Variants in PHACTR3 observed in about 807,000 individuals in gnomAD.
PHACTR3 encodes the protein protein phosphatase 1, regulatory subunit 123.
A neutral mutation model predicts 66.8 loss-of-function variants in PHACTR3; 16 were observed. The observed-to-expected ratio is 0.24, with a 90% CI of 0.16 to 0.36. PHACTR3 has a LOEUF of 0.36. Among genes scored for constraint, PHACTR3 ranks in the 10% least tolerant of loss-of-function variants. PHACTR3 has a pLI of 1.00. For missense variants in PHACTR3, 647 were observed against 719.9 expected, an observed-to-expected ratio of 0.90 and a Z score of 1.16; for synonymous variants, 323 against 292.1, an observed-to-expected ratio of 1.11 and a Z score of -1.08.
At chr20:59,716,968 G>A (rs950146799) in intron 1 of PHACTR3, among the ~76,000 whole-genome samples, 1 of 152,172 alleles carries the variant, frequency 6.6e-6, no homozygotes, top group South Asian at 2.1e-4. Flanking sequence ...CCAGCACTGG[G>A]TGCTCTCTTA....
intron 7 of PHACTR3, among the ~76,000 whole-genome samples, chr20:59,799,206 C>T (rs2041343141): frequency 6.6e-6 from 1 of 151,288 alleles, no homozygotes; most frequent in Non-Finnish European, 1.5e-5. Flanking sequence ...CCAAATATGT[C>T]CAATCTTGGT....
chr20:59,620,294 G>C (rs1421561194), intron 1 of PHACTR3, among the ~76,000 whole-genome samples: 2 of 152,242 alleles, frequency 1.3e-5, no homozygotes, highest in East Asian at 3.9e-4. Context: ...CTTAACTACA[G>C]TAAGTCATCA....
intron 1 of PHACTR3, among the ~76,000 whole-genome samples, chr20:59,701,393 C>T (rs190562204): frequency 2.6e-5 from 4 of 152,324 alleles, no homozygotes; most frequent in Non-Finnish European, 5.9e-5. Context: ...TACACTGCTT[C>T]TGCCTGACCA....
intron 1 of PHACTR3, among the ~76,000 whole-genome samples, chr20:59,620,865 T>C (rs1568939123): frequency 6.6e-6 from 1 of 152,224 alleles, no homozygotes; most frequent in Non-Finnish European, 1.5e-5. Context: ...TTAAATGTAT[T>C]AGTGAGTTCC....
chr20:59,631,585 T>C, intron 1 of PHACTR3, among the ~76,000 whole-genome samples: 1 of 152,090 alleles, frequency 6.6e-6, no homozygotes, highest in Middle Eastern at 3.2e-3. Context: ...ACTAGGGATG[T>C]TTAAAAACAA....
At chr20:59,805,994 G>GT (rs1251537097) in intron 7 of PHACTR3, 47 bp from the exon 8 acceptor site, 1 of 1,580,496 alleles carries the variant, frequency 6.3e-7, no homozygotes, top group African/African-American at 1.4e-5. Flanking sequence ...GCTAAGACCT[G>GT]TCTCCTTTGT....
rs191356664 is a variant in PHACTR3, at chr20:59,592,569, G to A, written c.109+14952G>A. Reference sequence around the variant, plus strand: ...GACAAAATGACTAAATTTTCAGACCGATTTATAATGACACCTACCCCTCAT... The same window carrying A: ...GACAAAATGACTAAATTTTCAGACCAATTTATAATGACACCTACCCCTCAT... On this transcript the variant is annotated intron_variant, in intron 1 of 12. Coordinates refer to the PHACTR3 transcript ENST00000359926. Among the ~76,000 whole-genome samples, 6 of 152,218 alleles carry A rather than the reference G, an allele frequency of 3.9e-5. No homozygotes were observed. The East Asian group carries it at 9.6e-4, about 24-fold the overall frequency.
At chr20:59,601,981 T>C (rs1350404103), upstream of PHACTR3, among the ~76,000 whole-genome samples, 1 of 152,208 alleles carries the variant, frequency 6.6e-6, no homozygotes, top group African/African-American at 2.4e-5. Context: ...TGCTGCTGTG[T>C]AGACCATCTG....
intron 1 of PHACTR3, among the ~76,000 whole-genome samples, chr20:59,619,675 G>A (rs2034165895): frequency 1.3e-5 from 2 of 152,180 alleles, no homozygotes; most frequent in Admixed American, 6.5e-5. Flanking sequence ...GCTAATAAGT[G>A]GGTGTTATTT....
intron 1 of PHACTR3, among the ~76,000 whole-genome samples, chr20:59,697,407 A>T (rs1316179832): frequency 6.6e-6 from 1 of 152,216 alleles, no homozygotes; most frequent in Non-Finnish European, 1.5e-5. Flanking sequence ...GGTGGCTCAG[A>T]CTTACTTCTT....
intron 1 of PHACTR3, among the ~76,000 whole-genome samples, chr20:59,654,953 A>C (rs1355769137): frequency 6.6e-6 from 1 of 152,048 alleles, no homozygotes; most frequent in Non-Finnish European, 1.5e-5. Flanking sequence ...CATTGCATGA[A>C]TATCCCATAA....
At chr20:59,722,210 C>T (rs1479093323) in intron 1 of PHACTR3, among the ~76,000 whole-genome samples, 2 of 149,252 alleles carry the variant, frequency 1.3e-5, no homozygotes, top group African/African-American at 5.0e-5. Context: ...CCAGCCTGGG[C>T]AGCAGAGTGA....
At chr20:59,775,428 C>G (rs144042058) in intron 7 of PHACTR3, among the ~76,000 whole-genome samples, 1 of 152,302 alleles carries the variant, frequency 6.6e-6, no homozygotes. Context: ...GATGTCGGTG[C>G]TGACCCTGGC....
chr20:59,633,816 T>C (rs2034754223), intron 1 of PHACTR3, among the ~76,000 whole-genome samples: 2 of 152,164 alleles, frequency 1.3e-5, no homozygotes, highest in Non-Finnish European at 2.9e-5. Flanking sequence ...GGCTCTGGAC[T>C]CTGGTTCTTT....
chr20:59,696,701 C>A (rs1253391311), intron 1 of PHACTR3, among the ~76,000 whole-genome samples: 3 of 152,158 alleles, frequency 2.0e-5, no homozygotes, highest in Non-Finnish European at 2.9e-5. Flanking sequence ...GCTCTCTGGG[C>A]AGCTGCCCAT....
intron 1 of PHACTR3, among the ~76,000 whole-genome samples, chr20:59,723,064 TTCTTTC>T (rs1568746923): frequency 2.2e-5 from 1 of 44,658 alleles, no homozygotes; most frequent in East Asian, 9.2e-4. Context: ...TTCTTTCTCT[TTCTTTC>T]TTTCTTTCTT....
At chr20:59,729,924 A>C (rs1004477336) in intron 1 of PHACTR3, among the ~76,000 whole-genome samples, 3 of 152,130 alleles carry the variant, frequency 2.0e-5, no homozygotes, top group African/African-American at 7.2e-5. Flanking sequence ...TTGGACCCGG[A>C]CTTGGTAAAT....
chr20:59,602,207 G>A (rs913300277), upstream of PHACTR3, among the ~76,000 whole-genome samples: 1 of 152,142 alleles, frequency 6.6e-6, no homozygotes. Flanking sequence ...AGTTAGTGCC[G>A]TGGTCCCCCC....
intron 1 of PHACTR3, among the ~76,000 whole-genome samples, chr20:59,679,195 A>G (rs1395429446): frequency 6.6e-6 from 1 of 152,222 alleles, no homozygotes; most frequent in East Asian, 1.9e-4. Context: ...ACTTGATTGA[A>G]AAAGAAATTA....
Sources: gnomAD v4.1 joint callset for allele counts (sites outside exome capture counted in the v4.1 genomes callset) on GRCh38, gnomAD v4.1.1 for gene constraint, MANE v1.5 for transcripts, NCBI Gene and HGNC (gene_info 2026-07-23, HGNC 2026-07-21) for gene names.